The following CLVS1 variants were observed in gnomAD, a reference collection of about 807,000 sequenced individuals.
CLVS1 encodes clavesin 1.
CLVS1 carries 10 observed loss-of-function variants against 33.1 expected under a neutral mutation model. The observed-to-expected ratio is 0.30, with a 90% confidence interval of 0.19 to 0.51. The LOEUF (loss-of-function observed/expected upper bound fraction) is 0.51, where lower values mean the gene tolerates loss of function less well. CLVS1 is among the 20% of genes least tolerant of loss of function. The pLI is 0.97. For synonymous variants in CLVS1, 163 were observed against 166.1 expected (o/e 0.98, Z 0.14); for missense variants, 343 against 433.4 (o/e 0.79, Z 1.85).
At chr8:61,427,937 C>T (rs1419112259) in intron 3 of CLVS1, among the ~76,000 whole-genome samples, 1 of 152,200 alleles carries the variant, frequency 6.6e-6, no homozygotes, top group Non-Finnish European at 1.5e-5. Flanking sequence ...CTTCCTCCGC[C>T]CCTGGCACAC....
chr8:61,467,317 G>A (rs1025232504), intron 5 of CLVS1, among the ~76,000 whole-genome samples: 8 of 152,178 alleles, frequency 5.3e-5, no homozygotes, highest in Non-Finnish European at 1.2e-4. Flanking sequence ...GTTCTCAGAC[G>A]CGTCCTTTCA....
intron 2 of CLVS1, among the ~76,000 whole-genome samples, chr8:61,331,830 T>G (rs1000636718): frequency 6.7e-6 from 1 of 149,624 alleles, no homozygotes; most frequent in African/African-American, 2.5e-5. Flanking sequence ...CTCTTCCTCC[T>G]CCTCCTCCTC....
intron 3 of CLVS1, among the ~76,000 whole-genome samples, chr8:61,436,914 A>G (rs1273532643): frequency 6.6e-6 from 1 of 152,216 alleles, no homozygotes; most frequent in Non-Finnish European, 1.5e-5. Flanking sequence ...CATATAAAAT[A>G]TGAGACTCAA....
the CLVS1 span, among the ~76,000 whole-genome samples, chr8:61,046,489 T>G: frequency 1.4e-5 from 2 of 147,512 alleles, no homozygotes; most frequent in Non-Finnish European, 3.0e-5. Flanking sequence ...TTTGGTTCCA[T>G]ACGAACTTTA....
chr8:61,187,135 T>TC (rs1049401866), intron 2 of CLVS1, among the ~76,000 whole-genome samples: 1 of 151,712 alleles, frequency 6.6e-6, no homozygotes, highest in Non-Finnish European at 1.5e-5. Context: ...TTGCAATATT[T>TC]TTTTTTCCAC....
chr8:61,346,648 CT>C (rs1159134104), intron 2 of CLVS1, among the ~76,000 whole-genome samples: 1 of 152,108 alleles, frequency 6.6e-6, no homozygotes, highest in Admixed American at 6.6e-5. Flanking sequence ...CTAGTTTTGA[CT>C]TTTTTCCCCC....
chr8:61,461,207 T>C (rs2129607298), intron 5 of CLVS1, among the ~76,000 whole-genome samples: 1 of 152,336 alleles, frequency 6.6e-6, no homozygotes, highest in South Asian at 2.1e-4. Context: ...GGCTTCACCA[T>C]CAACATTGTC....
intron 2 of CLVS1, among the ~76,000 whole-genome samples, chr8:61,209,637 A>G (rs1232778897): frequency 6.6e-6 from 1 of 152,244 alleles, no homozygotes; most frequent in Non-Finnish European, 1.5e-5. Flanking sequence ...CGACTTGAGC[A>G]ACTGGGTTAA....
intron 2 of CLVS1, among the ~76,000 whole-genome samples, chr8:61,137,587 C>T (rs1221397525): frequency 1.3e-5 from 2 of 152,166 alleles, no homozygotes; most frequent in Non-Finnish European, 2.9e-5. Context: ...AAGTGCCGAG[C>T]GTCTTCATGT....
intron 2 of CLVS1, chr8:61,202,392 C>A: frequency 1.3e-6 from 1 of 759,834 alleles, no homozygotes. Context: ...CCCTGAGGCC[C>A]CAGAACTATC....
At chr8:61,472,930 C>T (rs1007588101) in intron 5 of CLVS1, among the ~76,000 whole-genome samples, 1 of 152,198 alleles carries the variant, frequency 6.6e-6, no homozygotes, top group African/African-American at 2.4e-5. Context: ...GCGGACACTG[C>T]CCCTGCAGTG....
chr8:61,105,844 G>A (rs1805525826), intron 1 of CLVS1, among the ~76,000 whole-genome samples: 1 of 151,804 alleles, frequency 6.6e-6, no homozygotes, highest in African/African-American at 2.4e-5. Context: ...GGACAAACTT[G>A]TCATGGACTG....
chr8:61,021,083 T>TA, the CLVS1 span, among the ~76,000 whole-genome samples: 1 of 152,172 alleles, frequency 6.6e-6, no homozygotes, highest in East Asian at 1.9e-4. Context: ...TTCCCCCCTT[T>TA]AAAAAAATCA....
rs538077432 is a variant in CLVS1, at chr8:61,421,645, G to A, written c.631-32496G>A. ...CACAGCAGGCAGGCTCAACTCTGCC[G>A]GATGTGGTGTCCAGCTGAACAGGTT... On this transcript the variant is annotated intron_variant, in intron 3 of 5. Transcript: ENST00000325897. Among the ~76,000 whole-genome samples, 10 of 152,324 alleles carry A rather than the reference G, an allele frequency of 6.6e-5. No homozygotes were observed. In the South Asian group the frequency reaches 1.0e-3, roughly 16 times the overall value.
At chr8:61,430,648 G>A (rs1179418757) in intron 3 of CLVS1, among the ~76,000 whole-genome samples, 1 of 152,164 alleles carries the variant, frequency 6.6e-6, no homozygotes, top group African/African-American at 2.4e-5. Flanking sequence ...TGATTTACAA[G>A]CTGTCTTTAT....
At chr8:61,159,437 T>C (rs1220898539) in intron 2 of CLVS1, among the ~76,000 whole-genome samples, 3 of 152,338 alleles carry the variant, frequency 2.0e-5, no homozygotes, top group East Asian at 3.9e-4. Context: ...AAGTGGATTG[T>C]ACCAAAGGAA....
the CLVS1 span, among the ~76,000 whole-genome samples, chr8:60,971,795 C>T: frequency 1.3e-5 from 2 of 152,276 alleles, no homozygotes; most frequent in South Asian, 2.1e-4. Context: ...AGAACTGAAT[C>T]GAGAAGACAG....
intron 2 of CLVS1, among the ~76,000 whole-genome samples, chr8:61,222,096 T>C (rs1016540847): frequency 6.6e-6 from 1 of 152,140 alleles, no homozygotes; most frequent in African/African-American, 2.4e-5. Context: ...ACCTAGCTAA[T>C]GATCTATCTA....
chr8:61,267,237 T>C (rs980372343), intron 2 of CLVS1, among the ~76,000 whole-genome samples: 1 of 152,200 alleles, frequency 6.6e-6, no homozygotes, highest in East Asian at 1.9e-4. Context: ...TTTGTATTTA[T>C]GGAGACTAAC....
Sources: gnomAD v4.1 joint callset for allele counts (sites outside exome capture counted in the v4.1 genomes callset) on GRCh38, gnomAD v4.1.1 for gene constraint, MANE v1.5 for transcripts, NCBI Gene and HGNC (gene_info 2026-07-23, HGNC 2026-07-21) for gene names.